The following KIF15 variants were observed in gnomAD, a reference collection of about 807,000 sequenced individuals.
KIF15 encodes kinesin-like protein KIF15.
Under a neutral mutation model 190.6 loss-of-function variants are expected in KIF15, and 140 were observed. That is an observed-to-expected ratio of 0.73 (90% CI 0.64 to 0.84). The LOEUF (loss-of-function observed/expected upper bound fraction) is 0.84. Among genes scored for constraint, KIF15 ranks in the 40% least tolerant of loss-of-function variants. KIF15 has a pLI of 0.00. For missense variants in KIF15, 1,372 were observed against 1,584.4 expected, an observed-to-expected ratio of 0.87 and a Z score of 2.28; for synonymous variants, 528 against 551.3, an observed-to-expected ratio of 0.96 and a Z score of 0.59.
chr3:44,801,595 C>T, intron 12 of KIF15, 69 bp downstream of exon 12: 1 of 1,072,064 alleles, frequency 9.3e-7, no homozygotes, highest in East Asian at 2.4e-5. Flanking sequence ...TTTTTATTGC[C>T]TTACTAAGTG....
chr3:44,784,172 A>T lies in KIF15; in HGVS notation c.362-673A>T, dbSNP rs543307921. 6.2e-3 allele frequency among the ~76,000 whole-genome samples: 948 copies of T among 152,144 alleles called. 13 individuals are homozygous for T. The highest frequency in any genetic ancestry group is 0.021 in the African/African-American group (860 of 41,530). On this transcript the variant is annotated intron_variant, in intron 5 of 34. Coordinates refer to ENST00000326047, the MANE Select transcript of KIF15 (RefSeq NM_020242.3). Reference sequence around the variant, plus strand: ...TGCTTTACCTTTACACTCTCAGTTAATTCTTTCTTTTTGTTTTGAGACGGA... The same window carrying T: ...TGCTTTACCTTTACACTCTCAGTTATTTCTTTCTTTTTGTTTTGAGACGGA...
In KIF15 at chr3:44,852,968, C is replaced by T. The variant is rs1699115176; in HGVS notation, c.*233C>T. The T allele has an allele frequency of 5.8e-6, 2 of 344,728 alleles. No homozygotes were observed. Among genetic ancestry groups the T allele is most frequent in the Middle Eastern group, 7.5e-4 (1 of 1,336 alleles). The allele number at this position is 344,728 out of a possible 1,614,324, so 21.4% of individuals were successfully genotyped here. On this transcript the variant is annotated 3_prime_UTR_variant, in exon 35 of 35. Coordinates refer to ENST00000326047, the MANE Select transcript of KIF15 (RefSeq NM_020242.3). ...GGCCTACTTCAAGGCTTTGAATCAA[C>T]TTAAGGGAAAACCTTTTGTCTTTGT...
At chr3:44,800,102 T>G (rs1707194497) in intron 10 of KIF15, among the ~76,000 whole-genome samples, 1 of 152,142 alleles carries the variant, frequency 6.6e-6, no homozygotes, top group Admixed American at 6.5e-5. Context: ...TGGCTGGGGC[T>G]GTCTCTCTCT....
intron 27 of KIF15, 88 bp downstream of exon 27, chr3:44,838,509 C>T: frequency 7.3e-7 from 1 of 1,362,354 alleles, no homozygotes; most frequent in Non-Finnish European, 9.9e-7. Context: ...TTTGAGAGGC[C>T]AAGGGGGTGG....
At chr3:44,841,728 C>T (rs1028429505) in intron 29 of KIF15, among the ~76,000 whole-genome samples, 1 of 152,150 alleles carries the variant, frequency 6.6e-6, no homozygotes, top group African/African-American at 2.4e-5. Flanking sequence ...GCAGCATCCT[C>T]ATGGTTACTG....
At position 44,853,160 on chromosome 3, in the gene KIF15, C is replaced by G. The variant is rs1699121692; in HGVS notation, c.*425C>G. 6.5e-6 allele frequency: 1 copy of G among 153,014 alleles called. No homozygotes were observed. The highest frequency in any genetic ancestry group is 2.4e-5 in the African/African-American group (1 of 41,472). 9.5% of individuals were successfully genotyped at this position (153,014 alleles called of 1,614,324 possible). On this transcript the variant is annotated 3_prime_UTR_variant, in exon 35 of 35. Coordinates refer to ENST00000326047, the MANE Select transcript of KIF15 (RefSeq NM_020242.3). ...CTGACTTAGTAGCAGGTACAAGAAGCAAACTTGTTAATATAGATTATTTTT... is the reference window on the plus strand; with the variant it reads ...CTGACTTAGTAGCAGGTACAAGAAGGAAACTTGTTAATATAGATTATTTTT...
intron 2 of KIF15, 34 bp downstream of exon 2, chr3:44,774,471 A>G: frequency 1.3e-6 from 2 of 1,546,702 alleles, no homozygotes; most frequent in Non-Finnish European, 1.8e-6. Flanking sequence ...GAGCTCCCAA[A>G]GGACTAGGGA....
downstream of KIF15, among the ~76,000 whole-genome samples, chr3:44,857,385 C>G (rs1575699365): frequency 6.6e-6 from 1 of 152,342 alleles, no homozygotes; most frequent in East Asian, 1.9e-4. Context: ...GCAGCAGCAG[C>G]CGCTGCACGG....
At chr3:44,855,371 A>T (rs537458810), downstream of KIF15, among the ~76,000 whole-genome samples, 1 of 152,234 alleles carries the variant, frequency 6.6e-6, no homozygotes, top group Non-Finnish European at 1.5e-5. Context: ...AATGTCATCA[A>T]TTAAGGCTAT....
At chr3:44,794,637 A>G (rs1393219633) in intron 8 of KIF15, among the ~76,000 whole-genome samples, 2 of 152,104 alleles carry the variant, frequency 1.3e-5, no homozygotes, top group Non-Finnish European at 2.9e-5. Flanking sequence ...CCACAAAACA[A>G]TCAAATTTCC....
intron 27 of KIF15, among the ~76,000 whole-genome samples, chr3:44,838,845 G>A (rs751818837): frequency 1.3e-5 from 2 of 152,046 alleles, no homozygotes. Flanking sequence ...ACAAAGGGGA[G>A]GCTAATGGAG....
chr3:44,819,490 A>G (rs2090617433), intron 20 of KIF15, among the ~76,000 whole-genome samples: 1 of 152,100 alleles, frequency 6.6e-6, no homozygotes, highest in African/African-American at 2.4e-5. Flanking sequence ...TTCTGCCTTC[A>G]TTTCGTTATT....
At chr3:44,827,737 C>T (rs1325431900) in intron 23 of KIF15, among the ~76,000 whole-genome samples, 23 of 152,134 alleles carry the variant, frequency 1.5e-4, no homozygotes, top group Non-Finnish European at 1.5e-5. Context: ...GGCTGCAGTG[C>T]AGTGGCGCAG....
At chr3:44,809,921 A>G (rs1159411198) in intron 16 of KIF15, among the ~76,000 whole-genome samples, 1 of 151,718 alleles carries the variant, frequency 6.6e-6, no homozygotes, top group African/African-American at 2.4e-5. Context: ...ACAAAAATTA[A>G]CCAGGCATGG....
At chr3:44,797,505 G>A (rs1337366973) in intron 8 of KIF15, 46 bp from the exon 9 acceptor site, 1 of 1,599,612 alleles carries the variant, frequency 6.3e-7, no homozygotes, top group East Asian at 2.2e-5. Context: ...ATACCAAAGA[G>A]TAACCAACGT....
In KIF15 at chr3:44,847,977, C is replaced by T; in HGVS notation, c.3696-8C>T. Reference sequence around the variant, plus strand: ...TATGCCTCCTCCCACCCCTGTTAATCTATGCAGTGATCAGAATCATCCAGA... The same window carrying T: ...TATGCCTCCTCCCACCCCTGTTAATTTATGCAGTGATCAGAATCATCCAGA... On this transcript the variant is annotated splice_region_variant and splice_polypyrimidine_tract_variant and intron_variant, in intron 30 of 34. Transcript: ENST00000326047. The T allele has an allele frequency of 6.3e-7, 1 of 1,598,292 alleles. No homozygotes were observed. The highest frequency in any genetic ancestry group is 8.5e-7 in the Non-Finnish European group (1 of 1,171,200).
rs894701868 is a variant in KIF15 at position 44,848,072 on chromosome 3, T to A, written c.3768+15T>A. The A allele has an allele frequency of 1.1e-5, 16 of 1,472,024 alleles. No homozygotes were observed. The highest frequency in any genetic ancestry group is 4.5e-5 in the East Asian group (2 of 44,184). 91.2% of individuals were successfully genotyped at this position (1,472,024 alleles called of 1,614,324 possible). A position where few individuals can be genotyped will look rare whatever the true frequency, so the allele number is the denominator to read the frequency against. ...GACTTGCAAAAGTAAGATTTTTTTT[T>A]ATGTAATAGTTTCTTCTTGTCTGAG... On this transcript the variant is annotated intron_variant, in intron 31 of 34. Transcript: ENST00000326047.
At chr3:44,826,509 A>G (rs748020073) in intron 22 of KIF15, 49 bp downstream of exon 22, 2 of 1,249,114 alleles carry the variant, frequency 1.6e-6, no homozygotes, top group South Asian at 2.7e-5. Flanking sequence ...ATTGTTTAAT[A>G]CCACATTCTT....
chr3:44,789,676 ATATATATATATATAT>A (rs1706586677), intron 7 of KIF15, among the ~76,000 whole-genome samples: 1 of 49,496 alleles, frequency 2.0e-5, no homozygotes, highest in Admixed American at 2.3e-4. Flanking sequence ...ATATATATAT[ATATATATATATATAT>A]AAAATAGATA....
Sources: gnomAD v4.1 joint callset for allele counts (sites outside exome capture counted in the v4.1 genomes callset) on GRCh38, gnomAD v4.1.1 for gene constraint, MANE v1.5 for transcripts, NCBI Gene and HGNC (gene_info 2026-07-23, HGNC 2026-07-21) for gene names.